CFAP299: variants seen among roughly 807,000 people sequenced by gnomAD.
CFAP299 encodes the protein cilia and flagella associated protein 299.
In CFAP299, 21 loss-of-function variants were observed where a neutral mutation model predicts 27.0. The observed-to-expected ratio is 0.78, with a 90% CI of 0.55 to 1.12. The LOEUF is 1.12. Ranked by LOEUF, CFAP299 falls within the 50% of genes most tolerant of loss-of-function variation. The probability of loss-of-function intolerance (pLI) is 0.00; values close to 1 mark genes in which losing one functional copy is unlikely to be tolerated. For synonymous variants in CFAP299, 104 were observed against 98.1 expected, an observed-to-expected ratio of 1.06 and a Z score of -0.36; for missense variants, 310 against 276.6, an observed-to-expected ratio of 1.12 and a Z score of -0.86.
intron 2 of CFAP299, among the ~76,000 whole-genome samples, chr4:80,579,970 T>C (rs1194519280): frequency 6.6e-6 from 1 of 151,920 alleles, no homozygotes; most frequent in African/African-American, 2.4e-5. Flanking sequence ...CTTGGGAAGG[T>C]AGTGGGAGTA....
At chr4:80,680,856 A>G (rs960607581) in intron 3 of CFAP299, among the ~76,000 whole-genome samples, 3 of 152,206 alleles carry the variant, frequency 2.0e-5, no homozygotes, top group East Asian at 1.9e-4. Context: ...TGAAGGATGT[A>G]AAAGAGAAGC....
At chr4:80,604,862 C>T (rs1560651351) in intron 3 of CFAP299, among the ~76,000 whole-genome samples, 2 of 142,276 alleles carry the variant, frequency 1.4e-5, no homozygotes, top group South Asian at 4.6e-4. Context: ...TTGTATCAGA[C>T]ACTTGTCCCC....
chr4:80,438,822 T>A (rs918422128), intron 2 of CFAP299, among the ~76,000 whole-genome samples: 2 of 152,214 alleles, frequency 1.3e-5, no homozygotes, highest in African/African-American at 4.8e-5. Flanking sequence ...AGTCATTCCA[T>A]ACAAGAAAGT....
chr4:80,730,231 T>TCC (rs1723425322), intron 3 of CFAP299, among the ~76,000 whole-genome samples: 1 of 107,128 alleles, frequency 9.3e-6, no homozygotes, highest in South Asian at 3.3e-4. Flanking sequence ...TCTCTCTTTC[T>TCC]CTCTCTCTCT....
the CFAP299 span, among the ~76,000 whole-genome samples, chr4:80,324,648 C>G: frequency 1.3e-5 from 2 of 152,210 alleles, no homozygotes; most frequent in Non-Finnish European, 2.9e-5. Context: ...TCATGGAAAT[C>G]AGGGATACTA....
chr4:80,434,200 T>G (rs376210641), intron 2 of CFAP299, among the ~76,000 whole-genome samples: 1 of 152,186 alleles, frequency 6.6e-6, no homozygotes, highest in African/African-American at 2.4e-5. Context: ...GTTACAAATA[T>G]TGGTTCACAA....
chr4:80,599,674 A>G (rs1401032739), intron 3 of CFAP299, among the ~76,000 whole-genome samples: 3 of 152,140 alleles, frequency 2.0e-5, no homozygotes, highest in African/African-American at 7.2e-5. Context: ...AGGTTACCTC[A>G]TGATTGCATT....
rs537268796 is a variant in CFAP299, at chr4:80,874,411, A to T, written c.476+4276A>T. 3.3e-5 allele frequency among the ~76,000 whole-genome samples: 5 copies of T among 152,364 alleles called. No homozygotes were observed. In the South Asian group the frequency reaches 1.0e-3, roughly 32 times the overall value. On this transcript the variant is annotated intron_variant, in intron 4 of 5. Transcript: ENST00000358105. ...CCAACCACTGAGTTAGAATTAGTAT[A>T]TTAACATGATCCTCAATATTTCCAT...
intron 3 of CFAP299, among the ~76,000 whole-genome samples, chr4:80,768,868 C>T (rs1726047708): frequency 6.6e-6 from 1 of 152,098 alleles, no homozygotes; most frequent in Admixed American, 6.5e-5. Flanking sequence ...TACAAGCCAC[C>T]AGATACAAGG....
In CFAP299 at chr4:80,824,935, A is replaced by G. The variant is rs191553980; in HGVS notation, c.334-45058A>G. Among the ~76,000 whole-genome samples, 63 of 152,196 alleles carry G rather than the reference A, an allele frequency of 4.1e-4. 1 individual carries two copies. Among genetic ancestry groups the G allele is most frequent in the African/African-American group, 1.5e-3 (62 of 41,568 alleles). On this transcript the variant is annotated intron_variant, in intron 3 of 5. Transcript: ENST00000358105. ...AAAAATTTCTCCAGAAAGAGTGACC[A>G]GATGTCAGACCTACTAGACAAAGAC...
intron 2 of CFAP299, among the ~76,000 whole-genome samples, chr4:80,421,593 G>A (rs116119961): frequency 0.013 from 2,014 of 152,112 alleles, 41 homozygotes; most frequent in African/African-American, 0.044. Flanking sequence ...AGAAGAAGGA[G>A]GAGGAGCAAA....
intron 3 of CFAP299, among the ~76,000 whole-genome samples, chr4:80,851,870 T>C (rs1447223809): frequency 6.6e-6 from 1 of 151,568 alleles, no homozygotes; most frequent in Admixed American, 6.6e-5. Context: ...GGAACTACAG[T>C]TGAATTTCTA....
intron 2 of CFAP299, among the ~76,000 whole-genome samples, chr4:80,527,769 G>A (rs1279312364): frequency 1.3e-5 from 2 of 151,816 alleles, no homozygotes; most frequent in Non-Finnish European, 2.9e-5. Flanking sequence ...TCTTATAATT[G>A]CTTTTTTTCA....
intron 3 of CFAP299, among the ~76,000 whole-genome samples, chr4:80,754,251 A>T (rs1725103229): frequency 6.6e-6 from 1 of 151,972 alleles, no homozygotes; most frequent in Admixed American, 6.6e-5. Context: ...GTAGGAGCTC[A>T]TTTCCTAAAG....
intron 5 of CFAP299, among the ~76,000 whole-genome samples, chr4:80,948,533 T>C (rs1415058301): frequency 6.6e-6 from 1 of 152,128 alleles, no homozygotes; most frequent in Non-Finnish European, 1.5e-5. Context: ...ACAAATTTTT[T>C]AAATACACTT....
intron 2 of CFAP299, among the ~76,000 whole-genome samples, chr4:80,519,120 G>A (rs779855161): frequency 1.3e-5 from 2 of 152,026 alleles, no homozygotes; most frequent in Non-Finnish European, 2.9e-5. Flanking sequence ...GCCTAGCATA[G>A]TTACTAGTAC....
intron 3 of CFAP299, among the ~76,000 whole-genome samples, chr4:80,585,402 A>G (rs542446813): frequency 1.2e-4 from 19 of 152,290 alleles, no homozygotes; most frequent in African/African-American, 4.1e-4. Flanking sequence ...TTACCTCCAT[A>G]TTGCTATCCC....
At chr4:80,889,442 C>T (rs973775109) in intron 4 of CFAP299, among the ~76,000 whole-genome samples, 1 of 151,826 alleles carries the variant, frequency 6.6e-6, no homozygotes, top group African/African-American at 2.4e-5. Flanking sequence ...AAATCCAAAA[C>T]CTCAATAGAC....
At chr4:80,874,737 G>A (rs1431499256) in intron 4 of CFAP299, among the ~76,000 whole-genome samples, 2 of 152,046 alleles carry the variant, frequency 1.3e-5, no homozygotes, top group African/African-American at 4.8e-5. Flanking sequence ...CATAAATTTT[G>A]GAGGGGACAC....
Sources: gnomAD v4.1 joint callset for allele counts (sites outside exome capture counted in the v4.1 genomes callset) on GRCh38, gnomAD v4.1.1 for gene constraint, MANE v1.5 for transcripts, NCBI Gene and HGNC (gene_info 2026-07-23, HGNC 2026-07-21) for gene names.